Variants in PPP1R21 observed in about 807,000 individuals in gnomAD.
The protein encoded by PPP1R21 is KLRAQ motif containing 1.
A neutral mutation model predicts 112.8 loss-of-function variants in PPP1R21; 85 were observed. The ratio of observed to expected loss-of-function variants is 0.75; its 90% CI spans 0.63 to 0.90. PPP1R21 has a LOEUF of 0.90. PPP1R21 is among the 40% of genes least tolerant of loss of function. PPP1R21 has a pLI of 0.00. For missense variants in PPP1R21, 1,199 were observed against 901.5 expected (o/e 1.33, Z -4.23); for synonymous variants, 381 against 322.3 (o/e 1.18, Z -1.95).
At chr2:48,492,276 A>G (rs934227417) in intron 15 of PPP1R21, among the ~76,000 whole-genome samples, 2 of 152,178 alleles carry the variant, frequency 1.3e-5, no homozygotes, top group Non-Finnish European at 2.9e-5. Context: ...ATAAGCATGC[A>G]ATCTATAAAC....
chr2:48,511,144 G>A (rs1025384204), intron 20 of PPP1R21, among the ~76,000 whole-genome samples, 196 bp from the exon 21 acceptor site: 3 of 152,098 alleles, frequency 2.0e-5, no homozygotes, highest in Non-Finnish European at 4.4e-5. Flanking sequence ...GGGTCATTTG[G>A]AGGTCCACCA....
At chr2:48,503,683 C>G (rs1670234664) in intron 17 of PPP1R21, among the ~76,000 whole-genome samples, 1 of 152,012 alleles carries the variant, frequency 6.6e-6, no homozygotes, top group African/African-American at 2.4e-5. Context: ...CGCGGTGGCT[C>G]ACGCCTGTAA....
Position 48,498,629 on chromosome 2 carries a change from C to G in PPP1R21, c.1829C>G (p.Ala610Gly). The G allele has an allele frequency of 6.2e-7, 1 of 1,614,218 alleles. No individual in the cohort carries two copies. The change falls in exon 17 of 22, where the codon GCC (alanine) becomes GGC (glycine). Residue 610 changes from alanine (A) to glycine (G), a missense_variant. Transcript: ENST00000294952. ...GATAAGCTGAAGAATACAGGTAGTG[C>G]CCAGCTGGTTGGGCTGGCCCAGGAA... is the stretch of plus-strand genomic sequence containing the variant. Reference protein sequence around the residue: ...IADKLKNTGSAQLVGLAQENA... With the variant: ...IADKLKNTGSGQLVGLAQENA...
intron 13 of PPP1R21, among the ~76,000 whole-genome samples, chr2:48,480,354 G>T (rs977776145): frequency 2.6e-4 from 40 of 152,192 alleles, no homozygotes; most frequent in African/African-American, 9.4e-4. Context: ...GCGCTTCTTA[G>T]AGCCCAAGCA....
chr2:48,510,857 C>G (rs1035196230), intron 20 of PPP1R21, among the ~76,000 whole-genome samples: 11 of 152,178 alleles, frequency 7.2e-5, no homozygotes, highest in Non-Finnish European at 1.5e-4. Flanking sequence ...CAATTTTATA[C>G]CTGGCATAGA....
chr2:48,454,291 TC>T (rs1391241964), intron 2 of PPP1R21, among the ~76,000 whole-genome samples: 3 of 151,422 alleles, frequency 2.0e-5, no homozygotes, highest in Non-Finnish European at 3.0e-5. Context: ...AATAAATAAA[TC>T]AAATAAGTTT....
chr2:48,498,699 T>C lies in PPP1R21; in HGVS notation c.1899T>C (p.Ala633=), dbSNP rs375416872. 2 of 1,613,998 alleles carry C rather than the reference T, an allele frequency of 1.2e-6. No individual in the cohort carries two copies. Among genetic ancestry groups the C allele is most frequent in the African/African-American group, 2.7e-5 (2 of 74,956 alleles). Residue 633 remains alanine (A), a synonymous_variant, in exon 17 of 22, where the codon GCT becomes GCC. Transcript: ENST00000294952. ...SNTAGQDEAT[A]KAVLEPIQST... ...CTGCTGGCCAGGATGAAGCCACAGC[T>C]AAGGCTGTGTTGGAGCCCATTCAGA...
At position 48,464,939 on chromosome 2, in the gene PPP1R21, T is replaced by G; in HGVS notation, c.697T>G (p.Tyr233Asp). 1 of 1,565,622 alleles carries G rather than the reference T, an allele frequency of 6.4e-7. No homozygotes were observed. Among genetic ancestry groups the G allele is most frequent in the Non-Finnish European group, 8.6e-7 (1 of 1,164,474 alleles). ...NEKVPFNDTK[Y>D]SQYNALNVPL... ...TGTACATTATTTTTCTTCTGTAGAA[T>G]ATAGTCAGTACAACGCTCTGAACGT... The change falls in exon 8 of 22, where the codon TAT (tyrosine) becomes GAT (aspartate). Residue 233 changes from tyrosine (Y) to aspartate (D), a missense_variant and splice_region_variant. Physicochemically the swap from Tyr to Asp is radical, Grantham distance 160. Coordinates refer to ENST00000294952, the MANE Select transcript of PPP1R21 (RefSeq NM_001135629.3).
Position 48,511,351 on chromosome 2 carries a change from A to G in PPP1R21, c.2196A>G (p.Thr732=), listed in dbSNP as rs1016239442. ...QNISRLQDEL[T]TTKRSYEDQL... ...TCTTTGCTATTTAGGATGAGCTGACAACTACCAAGAGGAGTTACGAGGATC... is the reference window on the plus strand; with the variant it reads ...TCTTTGCTATTTAGGATGAGCTGACGACTACCAAGAGGAGTTACGAGGATC... Residue 732 remains threonine, a synonymous_variant, in exon 21 of 22, where the codon ACA becomes ACG. Transcript: ENST00000294952. 1 of 1,613,222 alleles carries G rather than the reference A, an allele frequency of 6.2e-7. No individual in the cohort carries two copies. Among genetic ancestry groups the G allele is most frequent in the Non-Finnish European group, 8.5e-7 (1 of 1,179,866 alleles).
chr2:48,498,766 CT>C (rs755865304), intron 17 of PPP1R21, 31 bp downstream of exon 17: 20 of 1,606,244 alleles, frequency 1.2e-5, no homozygotes, highest in Non-Finnish European at 1.5e-5. Context: ...CCTCAGTTTT[CT>C]TTTTTAAATG....
At chr2:48,458,741 G>C (rs1032275247) in intron 4 of PPP1R21, among the ~76,000 whole-genome samples, 1 of 152,048 alleles carries the variant, frequency 6.6e-6, no homozygotes, top group African/African-American at 2.4e-5. Flanking sequence ...CAGGCACTCA[G>C]ATATTTATGG....
chr2:48,513,464 C>G (rs1558537078), intron 21 of PPP1R21, among the ~76,000 whole-genome samples: 2 of 151,904 alleles, frequency 1.3e-5, no homozygotes, highest in Non-Finnish European at 1.5e-5. Context: ...CTGGCTGCAG[C>G]TTCCCAAAGT....
Position 48,505,552 on chromosome 2 carries a change from C to G in PPP1R21, c.1936-12C>G. ...CATTCTGTTCTAAAAGATTTTTCCC[C>G]TTATGTTCTAGATTGGGACTTTAAC... On this transcript the variant is annotated splice_polypyrimidine_tract_variant and intron_variant, in intron 17 of 21. Transcript: ENST00000294952. The G allele has an allele frequency of 6.5e-7, 1 of 1,545,186 alleles. No homozygotes were observed. Among genetic ancestry groups the G allele is most frequent in the Non-Finnish European group, 8.8e-7 (1 of 1,140,570 alleles).
In PPP1R21 at chr2:48,458,178, ATGAAGATC is replaced by A; in HGVS notation, c.329_336del (p.Glu110AlafsTer8). The A allele has an allele frequency of 6.2e-7, 1 of 1,612,736 alleles. No individual in the cohort carries two copies. Among genetic ancestry groups the A allele is most frequent in the South Asian group, 1.1e-5 (1 of 91,018 alleles). ...AGTCAAGAGCAGAAGAGTGTCTTTGATGAAGATCTGCAAAAGAAGATAGAAGAGAATGA... is the reference window on the plus strand; with the variant it reads ...AGTCAAGAGCAGAAGAGTGTCTTTGATGCAAAAGAAGATAGAAGAGAATGA... On this transcript the variant is annotated frameshift_variant, in exon 4 of 22. Transcript: ENST00000294952. LOFTEE classifies it high-confidence loss of function.
At chr2:48,509,742 T>C (rs1215003793) in intron 19 of PPP1R21, among the ~76,000 whole-genome samples, 1 of 152,118 alleles carries the variant, frequency 6.6e-6, no homozygotes, top group Non-Finnish European at 1.5e-5. Flanking sequence ...ATGTATTATA[T>C]ATAACCACTG....
chr2:48,461,789 C>G (rs1019440971), intron 7 of PPP1R21, among the ~76,000 whole-genome samples: 2 of 151,862 alleles, frequency 1.3e-5, no homozygotes, highest in Admixed American at 6.5e-5. Context: ...GTCAAAACCT[C>G]AAAAGCAAAG....
At chr2:48,481,385 A>C (rs903934615) in intron 13 of PPP1R21, among the ~76,000 whole-genome samples, 1 of 152,222 alleles carries the variant, frequency 6.6e-6, no homozygotes, top group African/African-American at 2.4e-5. Flanking sequence ...GCAGTTAACA[A>C]TATTCAACTC....
intron 13 of PPP1R21, among the ~76,000 whole-genome samples, chr2:48,486,118 G>A (rs1208910532): frequency 2.0e-5 from 3 of 151,858 alleles, no homozygotes; most frequent in Non-Finnish European, 2.9e-5. Context: ...GCACTGGGGC[G>A]TCCAATCCGT....
At chr2:48,477,125 T>TTTC (rs1668793870) in intron 12 of PPP1R21, among the ~76,000 whole-genome samples, 1 of 147,366 alleles carries the variant, frequency 6.8e-6, no homozygotes, top group Admixed American at 6.8e-5. Flanking sequence ...AATTTTTTTT[T>TTTC]TTTTTTTTTT....
Sources: allele counts gnomAD v4.1 joint callset (sites outside exome capture counted in the v4.1 genomes callset), GRCh38; gene constraint gnomAD v4.1.1; transcripts MANE v1.5; gene names NCBI Gene and HGNC (gene_info 2026-07-23, HGNC 2026-07-21).